The following KIF13B variants were observed in gnomAD, a reference collection of about 807,000 sequenced individuals.
KIF13B encodes the protein kinesin family member 13B.
A neutral mutation model predicts 222.0 loss-of-function variants in KIF13B; 127 were observed. The ratio of observed to expected loss-of-function variants is 0.57; its 90% CI spans 0.50 to 0.66. The LOEUF (loss-of-function observed/expected upper bound fraction) is 0.66. Among genes scored for constraint, KIF13B ranks in the 30% least tolerant of loss-of-function variants. KIF13B has a pLI of 0.00. For missense variants in KIF13B, 2,173 were observed against 2,379.0 expected (o/e 0.91, Z 1.80); for synonymous variants, 976 against 919.0 (o/e 1.06, Z -1.12).
At chr8:29,215,726 C>G (rs948771535) in intron 2 of KIF13B, among the ~76,000 whole-genome samples, 3 of 152,110 alleles carry the variant, frequency 2.0e-5, no homozygotes, top group African/African-American at 7.2e-5. Context: ...TGGTATTTGT[C>G]AACTAAGCTA....
At chr8:29,110,650 G>A (rs562908056) in intron 32 of KIF13B, 2 of 153,140 alleles carry the variant, frequency 1.3e-5, no homozygotes, top group Non-Finnish European at 2.9e-5. Flanking sequence ...GCCTGGAGCC[G>A]ACCAAGGAGA....
At chr8:29,240,366 C>T (rs1815718742) in intron 2 of KIF13B, among the ~76,000 whole-genome samples, 1 of 149,594 alleles carries the variant, frequency 6.7e-6, no homozygotes, top group Non-Finnish European at 1.5e-5. Context: ...GAATGTCCTC[C>T]ATAAAGTGAA....
rs891822363 is a variant in KIF13B, at chr8:29,188,664, T to C, written c.224-57A>G. On this transcript the variant is annotated intron_variant, in intron 4 of 39. Coordinates refer to ENST00000524189, the MANE Select transcript of KIF13B (RefSeq NM_015254.4). ...TTAAGCCAAAACTACATATGAACAA[T>C]TCACAAAACAAAAACAAAAATCTCA... 6 of 1,110,384 alleles carry C rather than the reference T, an allele frequency of 5.4e-6. No homozygotes were observed. In the East Asian group the frequency reaches 1.4e-4, roughly 27 times the overall value. The allele number at this position is 1,110,384 out of a possible 1,614,324, so 68.8% of individuals were successfully genotyped here.
intron 10 of KIF13B, among the ~76,000 whole-genome samples, chr8:29,171,760 T>C (rs1302936574): frequency 2.5e-5 from 3 of 118,188 alleles, no homozygotes; most frequent in African/African-American, 1.2e-4. Context: ...TTTTTTCTTC[T>C]TTTTTTTTTT....
chr8:29,249,126 C>T (rs1450769149), intron 1 of KIF13B, among the ~76,000 whole-genome samples: 2 of 152,054 alleles, frequency 1.3e-5, no homozygotes, highest in Non-Finnish European at 2.9e-5. Context: ...CCCTTATCTC[C>T]GCTACTAAAA....
intron 2 of KIF13B, among the ~76,000 whole-genome samples, chr8:29,197,424 G>A (rs940494181): frequency 2.0e-5 from 3 of 149,294 alleles, no homozygotes; most frequent in Admixed American, 2.0e-4. Flanking sequence ...GTGGTAAAAA[G>A]TACAAAGAAT....
intron 25 of KIF13B, 143 bp downstream of exon 25, chr8:29,126,979 C>G: frequency 1.3e-6 from 1 of 799,286 alleles, no homozygotes; most frequent in Non-Finnish European, 2.0e-6. Context: ...CATGAAAATG[C>G]AAGACACAAA....
intron 2 of KIF13B, among the ~76,000 whole-genome samples, chr8:29,241,658 G>A (rs969969214): frequency 2.1e-5 from 3 of 144,930 alleles, no homozygotes; most frequent in Admixed American, 7.2e-5. Context: ...ACATCACAGC[G>A]AAGCAGTCTC....
chr8:29,140,436 T>G, intron 20 of KIF13B, 32 bp downstream of exon 20: 1 of 1,603,404 alleles, frequency 6.2e-7, no homozygotes, highest in Non-Finnish European at 8.5e-7. Context: ...AACTATTCTC[T>G]ACAGGAAACA....
intron 10 of KIF13B, among the ~76,000 whole-genome samples, chr8:29,168,250 A>T (rs182174625): frequency 7.0e-4 from 106 of 152,384 alleles, no homozygotes; most frequent in African/African-American, 2.5e-3. Flanking sequence ...CATGACACTC[A>T]AACTGCTAAG....
chr8:29,227,332 C>T lies in KIF13B; in HGVS notation c.149+18014G>A, dbSNP rs563825349. Among the ~76,000 whole-genome samples, 7 of 152,106 alleles carry T rather than the reference C, an allele frequency of 4.6e-5. No individual in the cohort carries two copies. In the South Asian group the frequency reaches 1.5e-3, roughly 32 times the overall value. The stretch of plus-strand genomic sequence containing the variant: ...GAGATGGAGTTTTGCACTTGTTGCC[C>T]AGACTGGAGTGCAATGTCATGATCT... On this transcript the variant is annotated intron_variant, in intron 2 of 39. Coordinates refer to ENST00000524189, the MANE Select transcript of KIF13B (RefSeq NM_015254.4).
chr8:29,104,005 C>T (rs1035793253), intron 35 of KIF13B, among the ~76,000 whole-genome samples: 15 of 152,186 alleles, frequency 9.9e-5, no homozygotes, highest in Non-Finnish European at 1.5e-4. Context: ...CCCATCCTCA[C>T]CCCATGCTGT....
intron 2 of KIF13B, among the ~76,000 whole-genome samples, chr8:29,217,719 A>G (rs1351319593): frequency 6.6e-6 from 1 of 152,240 alleles, no homozygotes; most frequent in East Asian, 1.9e-4. Flanking sequence ...TTGGTGAACT[A>G]GTTTGGAGAA....
intron 1 of KIF13B, among the ~76,000 whole-genome samples, chr8:29,247,923 A>C (rs979012148): frequency 6.6e-6 from 1 of 152,176 alleles, no homozygotes; most frequent in Non-Finnish European, 1.5e-5. Flanking sequence ...ACAGATATAA[A>C]AATGGCCAAT....
intron 10 of KIF13B, among the ~76,000 whole-genome samples, chr8:29,170,083 A>T (rs374859368): frequency 6.6e-6 from 1 of 152,242 alleles, no homozygotes; most frequent in Non-Finnish European, 1.5e-5. Flanking sequence ...GCCATCAGCA[A>T]AAAGGAAATC....
rs756745299 is a variant in KIF13B, at chr8:29,118,857, G to T, written c.3660+11C>A. The T allele has an allele frequency of 6.2e-7, 1 of 1,612,916 alleles. No individual in the cohort carries two copies. Among genetic ancestry groups the T allele is most frequent in the African/African-American group, 1.3e-5 (1 of 74,874 alleles). ...TTTTCATCTGACCATCCCAAGTTAG[G>T]CTTTCCTTACCTCCCCATCATGCTG... On this transcript the variant is annotated intron_variant, in intron 30 of 39. Transcript: ENST00000524189.
chr8:29,132,834 T>C (rs901772877), intron 22 of KIF13B, among the ~76,000 whole-genome samples: 1 of 152,224 alleles, frequency 6.6e-6, no homozygotes, highest in African/African-American at 2.4e-5. Context: ...AATAAGGTAG[T>C]GTGTTGCAAA....
At chr8:29,133,998 T>C (rs766589032) in intron 22 of KIF13B, 42 bp downstream of exon 22, 1 of 1,570,026 alleles carries the variant, frequency 6.4e-7, no homozygotes, top group African/African-American at 1.4e-5. Context: ...TGTTTTCACA[T>C]GAGTAATCTA....
intron 35 of KIF13B, among the ~76,000 whole-genome samples, chr8:29,106,460 C>T (rs1273446683): frequency 5.9e-5 from 9 of 151,678 alleles, no homozygotes; most frequent in South Asian, 2.1e-4. Flanking sequence ...GGTGAAACCC[C>T]GTCTCTACTA....
Sources: gnomAD v4.1 joint callset for allele counts (sites outside exome capture counted in the v4.1 genomes callset) on GRCh38, gnomAD v4.1.1 for gene constraint, MANE v1.5 for transcripts, NCBI Gene and HGNC (gene_info 2026-07-23, HGNC 2026-07-21) for gene names.